Variants in STRN3 observed in about 807,000 individuals in gnomAD.
STRN3 encodes the protein striatin-3.
STRN3 carries 29 observed loss-of-function variants against 95.6 expected under a neutral mutation model. The ratio of observed to expected loss-of-function variants is 0.30; its 90% CI spans 0.23 to 0.41. The LOEUF is 0.41. Ranked by LOEUF, STRN3 falls within the 10% of genes least tolerant of loss-of-function variation. The pLI is 1.00. For missense variants in STRN3, 890 were observed against 972.1 expected (o/e 0.92, Z 1.12); for synonymous variants, 331 against 357.6 (o/e 0.93, Z 0.84).
At chr14:30,929,969 A>AAAAAAAAAAAC (rs1878440235) in intron 7 of STRN3, among the ~76,000 whole-genome samples, 2 of 149,230 alleles carry the variant, frequency 1.3e-5, no homozygotes, top group Non-Finnish European at 3.0e-5. Flanking sequence ...AAAAAAAAAA[A>AAAAAAAAAAAC]AAAAAAAAAA....
intron 9 of STRN3, among the ~76,000 whole-genome samples, chr14:30,915,512 T>C (rs957286157): frequency 2.0e-5 from 3 of 152,298 alleles, no homozygotes; most frequent in South Asian, 2.1e-4. Context: ...ATCTGTAGCA[T>C]TGATCTTTTG....
intron 1 of STRN3, among the ~76,000 whole-genome samples, chr14:30,956,642 A>G (rs943209465): frequency 6.6e-6 from 1 of 152,224 alleles, no homozygotes; most frequent in Admixed American, 6.5e-5. Flanking sequence ...TAAAATAAAG[A>G]TAACTATAAA....
At chr14:30,958,878 C>T (rs970057338) in intron 1 of STRN3, among the ~76,000 whole-genome samples, 11 of 152,090 alleles carry the variant, frequency 7.2e-5, no homozygotes, top group African/African-American at 2.7e-4. Context: ...ACCAACTATC[C>T]ACACTTAGAC....
chr14:30,899,110 T>A (rs1896235829), intron 16 of STRN3, among the ~76,000 whole-genome samples: 1 of 152,212 alleles, frequency 6.6e-6, no homozygotes, highest in African/African-American at 2.4e-5. Flanking sequence ...GACATTTTAT[T>A]CTGTTCACCA....
intron 5 of STRN3, 103 bp from the exon 6 acceptor site, chr14:30,936,727 G>T: frequency 7.4e-7 from 1 of 1,354,320 alleles, no homozygotes; most frequent in East Asian, 2.5e-5. Context: ...AGAGAGATTC[G>T]AATGACTACC....
At chr14:30,907,351 A>C (rs1225739341) in intron 13 of STRN3, among the ~76,000 whole-genome samples, 2 of 151,812 alleles carry the variant, frequency 1.3e-5, no homozygotes, top group African/African-American at 4.8e-5. Flanking sequence ...TCTCTCATTT[A>C]AAGTGTATAC....
chr14:30,966,294 C>T (rs1880503850), intron 1 of STRN3, among the ~76,000 whole-genome samples: 1 of 152,188 alleles, frequency 6.6e-6, no homozygotes, highest in Non-Finnish European at 1.5e-5. Context: ...TGTAAGGGTG[C>T]ACCCTTCTAT....
At position 30,894,800 on chromosome 14, in the gene STRN3, G is replaced by A. The variant is rs1896083218; in HGVS notation, c.*611C>T. 6.4e-6 allele frequency: 2 copies of A among 311,304 alleles called. No homozygotes were observed. Among genetic ancestry groups the A allele is most frequent in the Non-Finnish European group, 5.6e-6 (1 of 179,696 alleles). 19.3% of individuals were successfully genotyped at this position (311,304 alleles called of 1,614,324 possible). A position where few individuals can be genotyped will look rare whatever the true frequency, so the allele number is the denominator to read the frequency against. ...ACAATCTTGAGCACTGTTGTGACAG[G>A]CTAAATATATAAAAAGACTTATAAA... On this transcript the variant is annotated 3_prime_UTR_variant, in exon 18 of 18. Coordinates refer to ENST00000357479, the MANE Select transcript of STRN3 (RefSeq NM_001083893.2).
chr14:30,956,096 T>G, intron 2 of STRN3, 43 bp downstream of exon 2: 1 of 1,515,114 alleles, frequency 6.6e-7, no homozygotes, highest in South Asian at 1.1e-5. Context: ...ATGAGTATAC[T>G]ATTGTTCTAC....
intron 6 of STRN3, 72 bp from the exon 7 acceptor site, chr14:30,935,376 AACT>A: frequency 6.7e-7 from 1 of 1,503,642 alleles, no homozygotes; most frequent in Admixed American, 2.1e-5. Context: ...ATTGTCACAT[AACT>A]ACATTTACAC....
At chr14:30,900,582 A>G (rs1337450900) in intron 16 of STRN3, among the ~76,000 whole-genome samples, 2 of 151,540 alleles carry the variant, frequency 1.3e-5, no homozygotes, top group Non-Finnish European at 2.9e-5. Context: ...AAATACAAAA[A>G]TTAGCTGGAC....
intron 1 of STRN3, among the ~76,000 whole-genome samples, chr14:31,024,379 G>A (rs1480752991): frequency 6.6e-6 from 1 of 152,200 alleles, no homozygotes; most frequent in African/African-American, 2.4e-5. Context: ...GTAGAAAGCT[G>A]TATACCAACA....
chr14:30,929,677 T>C (rs1368760253), intron 7 of STRN3, among the ~76,000 whole-genome samples: 2 of 152,044 alleles, frequency 1.3e-5, no homozygotes, highest in East Asian at 1.9e-4. Context: ...AGCAAATGAA[T>C]GAAATACATG....
At chr14:30,912,897 A>G (rs1260525246) in intron 10 of STRN3, among the ~76,000 whole-genome samples, 1 of 152,146 alleles carries the variant, frequency 6.6e-6, no homozygotes, top group Non-Finnish European at 1.5e-5. Flanking sequence ...CTCATTATAA[A>G]AAGAAAAAAA....
chr14:31,014,384 G>C (rs199719945), intron 1 of STRN3, among the ~76,000 whole-genome samples: 2 of 151,934 alleles, frequency 1.3e-5, no homozygotes, highest in East Asian at 3.9e-4. Flanking sequence ...ACCACACCCT[G>C]CTAATTTTTG....
At chr14:31,017,426 G>A (rs911454329) in intron 1 of STRN3, among the ~76,000 whole-genome samples, 1 of 151,604 alleles carries the variant, frequency 6.6e-6, no homozygotes, top group Non-Finnish European at 1.5e-5. Flanking sequence ...GTGAACCCAG[G>A]AGGCAGAGCT....
intron 1 of STRN3, among the ~76,000 whole-genome samples, chr14:30,961,494 G>T (rs910238340): frequency 1.3e-5 from 2 of 152,196 alleles, no homozygotes; most frequent in Admixed American, 1.3e-4. Context: ...ATTGTAGTGG[G>T]ACGCATTAGA....
intron 16 of STRN3, among the ~76,000 whole-genome samples, chr14:30,897,518 G>A (rs146292773): frequency 7.9e-5 from 12 of 152,190 alleles, no homozygotes; most frequent in Non-Finnish European, 2.9e-5. Flanking sequence ...CCGGGAGGTG[G>A]AGGCTGCAGT....
rs149543592 is a variant in STRN3, at chr14:31,003,195, G to A, written c.282+22709C>T. 1.7e-3 allele frequency among the ~76,000 whole-genome samples: 264 copies of A among 150,974 alleles called. 4 individuals are homozygous for A. The East Asian group carries it at 0.031, about 18-fold the overall frequency. Reference sequence around the variant, plus strand: ...GAGAATGGCTTGAACCCAGGAGGCGGAGGTTGCAGTGAGCCAAGACCACGC... The same window carrying A: ...GAGAATGGCTTGAACCCAGGAGGCGAAGGTTGCAGTGAGCCAAGACCACGC... On this transcript the variant is annotated intron_variant, in intron 1 of 17. Coordinates refer to ENST00000357479, the MANE Select transcript of STRN3 (RefSeq NM_001083893.2).
Sources: gnomAD v4.1 joint callset for allele counts (sites outside exome capture counted in the v4.1 genomes callset) on GRCh38, gnomAD v4.1.1 for gene constraint, MANE v1.5 for transcripts, NCBI Gene and HGNC (gene_info 2026-07-23, HGNC 2026-07-21) for gene names.